The following ALDH1L2 variants were observed in gnomAD, a reference collection of about 807,000 sequenced individuals.
ALDH1L2 encodes the protein mitochondrial 10-formyltetrahydrofolate dehydrogenase.
Under a neutral mutation model 111.0 loss-of-function variants are expected in ALDH1L2, and 91 were observed. The ratio of observed to expected loss-of-function variants is 0.82; its 90% CI spans 0.69 to 0.98. The LOEUF is 0.98. Ranked by LOEUF, ALDH1L2 falls within the 50% of genes least tolerant of loss-of-function variation. The pLI, the probability that ALDH1L2 is intolerant of heterozygous loss-of-function variation, is 0.00. For missense variants in ALDH1L2, 995 were observed against 1,126.8 expected, an observed-to-expected ratio of 0.88 and a Z score of 1.67; for synonymous variants, 374 against 392.6, an observed-to-expected ratio of 0.95 and a Z score of 0.56.
At chr12:105,029,218 G>C (rs969774810) in intron 21 of ALDH1L2, among the ~76,000 whole-genome samples, 12 of 152,230 alleles carry the variant, frequency 7.9e-5, no homozygotes, top group Admixed American at 7.2e-4. Context: ...TTTTTGTAGA[G>C]ACAGGGTCTT....
At chr12:105,032,811 G>C (rs937641082) in intron 19 of ALDH1L2, among the ~76,000 whole-genome samples, 4 of 152,180 alleles carry the variant, frequency 2.6e-5, no homozygotes, top group Non-Finnish European at 5.9e-5. Context: ...TTCATGGCAA[G>C]AGAATTTCTA....
intron 2 of ALDH1L2, among the ~76,000 whole-genome samples, chr12:105,071,213 C>G (rs981801618): frequency 4.6e-5 from 7 of 152,210 alleles, no homozygotes; most frequent in African/African-American, 1.2e-4. Context: ...ACTCTTCCCT[C>G]CCTATACTGA....
chr12:105,038,097 T>A lies in ALDH1L2; in HGVS notation c.2145+6A>T. On this transcript the variant is annotated splice_donor_region_variant and intron_variant, in intron 18 of 22. Coordinates refer to ENST00000258494, the MANE Select transcript of ALDH1L2 (RefSeq NM_001034173.4). ...ACCTATTTACTTAAATTTGACCCTC[T>A]CTTACCATTCGCACAGCCTTGTCAA... 6.2e-7 allele frequency: 1 copy of A among 1,612,262 alleles called. No homozygotes were observed. Among genetic ancestry groups the A allele is most frequent in the Non-Finnish European group, 8.5e-7 (1 of 1,178,644 alleles).
rs773342723 is a variant in ALDH1L2 at position 105,020,079 on chromosome 12, G to A, written c.*4345C>T. 2.0e-5 allele frequency: 3 copies of A among 151,868 alleles called. No individual in the cohort carries two copies. Among genetic ancestry groups the A allele is most frequent in the Non-Finnish European group, 4.4e-5 (3 of 67,978 alleles). The allele number at this position is 151,868 out of a possible 1,614,324, so 9.4% of individuals were successfully genotyped here. The stretch of plus-strand genomic sequence containing the variant: ...TTAATCATTTTAAAAATCTACTCAG[G>A]CATCATTTGTATAATAGTAATAATA... On this transcript the variant is annotated 3_prime_UTR_variant, in exon 23 of 23. Transcript: ENST00000258494.
intron 18 of ALDH1L2, among the ~76,000 whole-genome samples, chr12:105,037,770 C>A (rs981505094): frequency 2.8e-5 from 4 of 143,854 alleles, no homozygotes; most frequent in African/African-American, 1.0e-4. Flanking sequence ...ATTTTTTTTT[C>A]TTTTTTTTTT....
chr12:105,037,147 C>G (rs1425223644), intron 18 of ALDH1L2, among the ~76,000 whole-genome samples: 1 of 152,158 alleles, frequency 6.6e-6, no homozygotes, highest in Non-Finnish European at 1.5e-5. Context: ...TTAGCACAAC[C>G]CCTGCCGAGC....
At chr12:105,048,009 C>G (rs1236342279) in intron 13 of ALDH1L2, 1 of 152,142 alleles carries the variant, frequency 6.6e-6, no homozygotes, top group Admixed American at 6.5e-5. Flanking sequence ...TTGAACCAAT[C>G]AAACAATTTT....
At chr12:105,057,880 C>G (rs766461193) in intron 10 of ALDH1L2, among the ~76,000 whole-genome samples, 193 bp downstream of exon 10, 4 of 152,054 alleles carry the variant, frequency 2.6e-5, no homozygotes, top group Non-Finnish European at 5.9e-5. Flanking sequence ...ATTGCACAAC[C>G]CTGTGAATAT....
intron 17 of ALDH1L2, among the ~76,000 whole-genome samples, chr12:105,039,306 T>C (rs1875379646): frequency 7.0e-6 from 1 of 142,252 alleles, no homozygotes; most frequent in African/African-American, 2.5e-5. Context: ...ACATTTAGAT[T>C]GCTTACAGCT....
At position 105,023,876 on chromosome 12, in the gene ALDH1L2, C is replaced by G. The variant is rs1874282417; in HGVS notation, c.*548G>C. 1 of 153,842 alleles carries G rather than the reference C, an allele frequency of 6.5e-6. No homozygotes were observed. Among genetic ancestry groups the G allele is most frequent in the South Asian group, 2.0e-4 (1 of 4,904 alleles). The allele number at this position is 153,842 out of a possible 1,614,324, so 9.5% of individuals were successfully genotyped here. ...CTAGTAGGTACTCAAGATAATGTTT[C>G]TAGGTTGATCACCCATCACAGTGGG... On this transcript the variant is annotated 3_prime_UTR_variant, in exon 23 of 23. Coordinates refer to ENST00000258494, the MANE Select transcript of ALDH1L2 (RefSeq NM_001034173.4).
chr12:105,071,433 A>C (rs1006302734), intron 2 of ALDH1L2, among the ~76,000 whole-genome samples: 2 of 151,592 alleles, frequency 1.3e-5, no homozygotes, highest in African/African-American at 4.8e-5. Context: ...CCTTCCTGAG[A>C]AGAGCGCTGT....
At chr12:105,025,003 C>A (rs1183437239) in intron 22 of ALDH1L2, among the ~76,000 whole-genome samples, 1 of 152,144 alleles carries the variant, frequency 6.6e-6, no homozygotes, top group African/African-American at 2.4e-5. Context: ...AAGGAAAATT[C>A]AGTTTATATT....
At chr12:105,025,852 C>T (rs750235615) in intron 22 of ALDH1L2, among the ~76,000 whole-genome samples, 5 of 152,194 alleles carry the variant, frequency 3.3e-5, no homozygotes, top group Non-Finnish European at 7.3e-5. Context: ...CTCACCCAGC[C>T]TCTCTGAGCC....
intron 2 of ALDH1L2, among the ~76,000 whole-genome samples, chr12:105,071,125 T>C (rs1382963867): frequency 1.3e-5 from 2 of 152,178 alleles, no homozygotes; most frequent in East Asian, 3.8e-4. Flanking sequence ...GAACATAGCT[T>C]TAGATTTGGA....
Position 105,026,544 on chromosome 12 carries a change from C to T in ALDH1L2, c.2716+1G>A, listed in dbSNP as rs966008531. 1 of 1,614,048 alleles carries T rather than the reference C, an allele frequency of 6.2e-7. No individual in the cohort carries two copies. Among genetic ancestry groups the T allele is most frequent in the Non-Finnish European group, 8.5e-7 (1 of 1,179,988 alleles). ...GGTGAAGCAGAAAAGTAAAGCCATA[C>T]CTAAGTCTTTTCCAAAGCCAGATTG... On this transcript the variant is annotated splice_donor_variant, in intron 22 of 22. Transcript: ENST00000258494. LOFTEE classifies it high-confidence loss of function.
intron 15 of ALDH1L2, among the ~76,000 whole-genome samples, chr12:105,043,136 C>T (rs1302815693): frequency 1.3e-5 from 2 of 152,106 alleles, no homozygotes; most frequent in African/African-American, 2.4e-5. Context: ...CACAAAGGTA[C>T]AGGCAGTGTC....
intron 16 of ALDH1L2, 146 bp from the exon 17 acceptor site, chr12:105,039,952 A>C: frequency 1.5e-6 from 1 of 649,730 alleles, no homozygotes; most frequent in South Asian, 1.6e-5. Flanking sequence ...ACCATGGTGA[A>C]ACCCTGTCAC....
intron 8 of ALDH1L2, 47 bp from the exon 9 acceptor site, chr12:105,061,119 T>C (rs1465530053): frequency 1.3e-6 from 2 of 1,505,350 alleles, no homozygotes; most frequent in African/African-American, 1.4e-5. Context: ...CGTAGAACAA[T>C]GTGGCAGAGA....
chr12:105,044,794 CA>C (rs1875742881), intron 15 of ALDH1L2, among the ~76,000 whole-genome samples: 1 of 151,250 alleles, frequency 6.6e-6, no homozygotes. Flanking sequence ...GTTTATACAG[CA>C]AAAGGAGAAA....
Sources: gnomAD v4.1 joint callset for allele counts (sites outside exome capture counted in the v4.1 genomes callset) on GRCh38, gnomAD v4.1.1 for gene constraint, MANE v1.5 for transcripts, NCBI Gene and HGNC (gene_info 2026-07-23, HGNC 2026-07-21) for gene names.